The following GALNT11 variants were observed in gnomAD, a reference collection of about 807,000 sequenced individuals.
GALNT11 encodes the protein UDP-GalNAc:polypeptide N-acetylgalactosaminyltransferase 11.
A neutral mutation model predicts 72.7 loss-of-function variants in GALNT11; 47 were observed. The ratio of observed to expected loss-of-function variants is 0.65; its 90% confidence interval spans 0.51 to 0.82. The LOEUF (loss-of-function observed/expected upper bound fraction) is 0.82. GALNT11 is among the 40% of genes least tolerant of loss of function. The pLI is 0.00. For missense variants in GALNT11, 677 were observed against 778.4 expected, an observed-to-expected ratio of 0.87 and a Z score of 1.55; for synonymous variants, 270 against 286.6, an observed-to-expected ratio of 0.94 and a Z score of 0.58.
chr7:152,054,690 T>G (rs1274112484), intron 1 of GALNT11, among the ~76,000 whole-genome samples: 1 of 151,816 alleles, frequency 6.6e-6, no homozygotes, highest in Non-Finnish European at 1.5e-5. Flanking sequence ...TTTTTTTTTT[T>G]TGTACTTTTG....
At chr7:152,111,652 A>T (rs190838896) in intron 7 of GALNT11, among the ~76,000 whole-genome samples, 18,987 of 144,754 alleles carry the variant, frequency 0.13, 2,786 homozygotes, top group African/African-American at 0.4. Context: ...ATATTTTTTT[A>T]AATTATAAAA....
chr7:152,048,727 T>G (rs982582400), intron 1 of GALNT11, among the ~76,000 whole-genome samples: 2 of 151,804 alleles, frequency 1.3e-5, no homozygotes, highest in African/African-American at 4.9e-5. Flanking sequence ...AGACGGGGTT[T>G]CACTGTGTTA....
intron 1 of GALNT11, among the ~76,000 whole-genome samples, chr7:152,071,902 A>G (rs1563056716): frequency 6.6e-6 from 1 of 150,870 alleles, no homozygotes. Context: ...AAAAGTTTTT[A>G]GGAGGCTGAG....
chr7:152,038,469 G>C (rs1178778383), intron 1 of GALNT11, among the ~76,000 whole-genome samples: 1 of 152,246 alleles, frequency 6.6e-6, no homozygotes, highest in East Asian at 1.9e-4. Flanking sequence ...GGGTGGGTCA[G>C]GTGTTCCTTG....
chr7:152,082,314 G>A (rs569228046), intron 1 of GALNT11, among the ~76,000 whole-genome samples: 13 of 152,316 alleles, frequency 8.5e-5, no homozygotes, highest in South Asian at 4.1e-4. Flanking sequence ...AGAGTACACC[G>A]AACAAAGGAG....
chr7:152,089,988 A>T (rs981810831), intron 1 of GALNT11, among the ~76,000 whole-genome samples: 2 of 152,236 alleles, frequency 1.3e-5, no homozygotes, highest in African/African-American at 4.8e-5. Flanking sequence ...GTAAGGGATT[A>T]TAGAAACTAC....
chr7:152,092,505 T>G (rs549020483), intron 1 of GALNT11, among the ~76,000 whole-genome samples: 1 of 152,318 alleles, frequency 6.6e-6, no homozygotes, highest in African/African-American at 2.4e-5. Flanking sequence ...GGAGTTTTTG[T>G]TTGGTTGGGT....
At chr7:152,051,786 G>A (rs1464181270) in intron 1 of GALNT11, among the ~76,000 whole-genome samples, 2 of 152,148 alleles carry the variant, frequency 1.3e-5, no homozygotes, top group Non-Finnish European at 2.9e-5. Context: ...TGTATCACTC[G>A]AACTTTTCAA....
At chr7:152,112,274 C>T (rs768557397) in intron 7 of GALNT11, among the ~76,000 whole-genome samples, 4 of 152,346 alleles carry the variant, frequency 2.6e-5, no homozygotes, top group East Asian at 1.9e-4. Context: ...TCCATGGTGG[C>T]TCACGCCTAT....
chr7:152,090,353 T>C (rs1169459801), intron 1 of GALNT11, among the ~76,000 whole-genome samples: 3 of 152,230 alleles, frequency 2.0e-5, no homozygotes, highest in Admixed American at 1.3e-4. Flanking sequence ...TTATTATTCT[T>C]TTATGTTCCT....
At chr7:152,043,940 A>T (rs2082995104) in intron 1 of GALNT11, among the ~76,000 whole-genome samples, 1 of 152,288 alleles carries the variant, frequency 6.6e-6, no homozygotes, top group South Asian at 2.1e-4. Flanking sequence ...TACCACAGGG[A>T]CTGCTTAAGA....
chr7:152,107,916 T>G (rs779318467), intron 5 of GALNT11, 122 bp from the exon 6 acceptor site: 14 of 1,198,686 alleles, frequency 1.2e-5, no homozygotes, highest in Middle Eastern at 6.0e-4. Flanking sequence ...TTAGGCCGTC[T>G]GGGGCTGGGA....
chr7:152,107,882 C>G (rs2087756261), intron 5 of GALNT11, 156 bp from the exon 6 acceptor site: 1 of 762,778 alleles, frequency 1.3e-6, no homozygotes, highest in Non-Finnish European at 2.1e-6. Context: ...TGTTGACCAC[C>G]GGCAGTGAAG....
At chr7:152,103,577 C>T in intron 4 of GALNT11, 1 of 281,618 alleles carries the variant, frequency 3.6e-6, no homozygotes, top group Non-Finnish European at 7.0e-6. Context: ...GCCTATGTAC[C>T]TTTATCCAGT....
intron 1 of GALNT11, among the ~76,000 whole-genome samples, chr7:152,092,829 C>A (rs1291916901): frequency 1.3e-5 from 2 of 152,190 alleles, no homozygotes; most frequent in Admixed American, 1.3e-4. Context: ...TATATGGTTT[C>A]TCTGCCATAA....
intron 1 of GALNT11, among the ~76,000 whole-genome samples, chr7:152,060,938 G>A (rs2128998423): frequency 6.6e-6 from 1 of 152,296 alleles, no homozygotes; most frequent in Admixed American, 6.5e-5. Flanking sequence ...AAACATACGT[G>A]TGCATGTGTC....
intron 2 of GALNT11, among the ~76,000 whole-genome samples, chr7:152,099,947 ATTTTTTTTTTT>A (rs768708954): frequency 1.7e-5 from 2 of 114,470 alleles, no homozygotes; most frequent in Non-Finnish European, 1.8e-5. Flanking sequence ...CACCTGGCTA[ATTTTTTTTTTT>A]TTTTTTTTTT....
intron 1 of GALNT11, among the ~76,000 whole-genome samples, chr7:152,050,449 A>G (rs1661393246): frequency 6.6e-6 from 1 of 152,146 alleles, no homozygotes; most frequent in African/African-American, 2.4e-5. Context: ...GAGCTTCAGG[A>G]CTTTGCCTGG....
chr7:152,051,051 T>G (rs770267280), intron 1 of GALNT11, among the ~76,000 whole-genome samples: 4 of 152,214 alleles, frequency 2.6e-5, no homozygotes, highest in Non-Finnish European at 4.4e-5. Flanking sequence ...AGTGATATTA[T>G]GTTAAAACCA....
Sources: gnomAD v4.1 joint callset for allele counts (sites outside exome capture counted in the v4.1 genomes callset) on GRCh38, gnomAD v4.1.1 for gene constraint, MANE v1.5 for transcripts, NCBI Gene and HGNC (gene_info 2026-07-23, HGNC 2026-07-21) for gene names.